Variants in RUBCN observed in about 807,000 individuals in gnomAD.
RUBCN encodes the protein rubicon autophagy regulator.
In RUBCN, 74 loss-of-function variants were observed where a neutral mutation model predicts 113.2. That is an observed-to-expected ratio of 0.65 (90% CI 0.54 to 0.79). The LOEUF is 0.79. Ranked by LOEUF, RUBCN falls within the 30% of genes least tolerant of loss-of-function variation. RUBCN has a pLI of 0.00. For synonymous variants in RUBCN, 480 were observed against 490.0 expected (o/e 0.98, Z 0.27); for missense variants, 1,109 against 1,251.7 (o/e 0.89, Z 1.72).
chr3:197,679,781 G>A (rs1560404035), intron 16 of RUBCN, among the ~76,000 whole-genome samples: 1 of 146,344 alleles, frequency 6.8e-6, no homozygotes, highest in Non-Finnish European at 1.5e-5. Flanking sequence ...ACTGGCTTCA[G>A]ACTGTCCTAC....
intron 7 of RUBCN, chr3:197,700,378 T>C (rs553332773): frequency 2.4e-5 from 14 of 588,764 alleles, no homozygotes; most frequent in Non-Finnish European, 4.2e-5. Flanking sequence ...ACCAAACTAG[T>C]AAAGAATCCA....
intron 2 of RUBCN, among the ~76,000 whole-genome samples, chr3:197,717,054 G>A (rs1725592669): frequency 1.3e-5 from 2 of 152,144 alleles, no homozygotes; most frequent in South Asian, 2.1e-4. Context: ...CCGGGAGGTC[G>A]AGGCTGCAGC....
chr3:197,718,057 C>T lies in RUBCN; in HGVS notation c.139G>A (p.Val47Ile), dbSNP rs201875862. 150 of 1,614,216 alleles carry T rather than the reference C, an allele frequency of 9.3e-5. 1 individual carries two copies. The South Asian group carries it at 1.0e-3, about 11-fold the overall frequency. ...EGLVSTNSPN[V>I]WSKYGGLERL... The stretch of plus-strand genomic sequence containing the variant: ...TCCAAGCCACCATACTTAGACCAGA[C>T]GTTGGGGCTGTTGGTTGATACCAAA... The change falls in exon 2 of 20, where the codon GTC (valine) becomes ATC (isoleucine). Residue 47 changes from valine (V) to isoleucine (I), a missense_variant. Around this residue, in one of 3 missense-constraint regions of RUBCN, gnomAD observed 736 missense variants for 779.6 expected, o/e 0.94. Transcript: ENST00000296343.
At chr3:197,723,464 G>A (rs192238375) in intron 1 of RUBCN, among the ~76,000 whole-genome samples, 186 of 152,266 alleles carry the variant, frequency 1.2e-3, no homozygotes, top group African/African-American at 4.1e-3. Context: ...GGGATTACAG[G>A]TGTGAGCCAC....
At chr3:197,676,250 C>CT (rs2108831412) in intron 18 of RUBCN, 2 of 991,718 alleles carry the variant, frequency 2.0e-6, no homozygotes, top group South Asian at 9.1e-5. Flanking sequence ...GTCATAATGA[C>CT]TGAGAACAAC....
chr3:197,746,555 T>C lies in RUBCN; in HGVS notation c.-116+2714A>G, dbSNP rs1047708336. On this transcript the variant is annotated intron_variant, in intron 1 of 20. Transcript: ENST00000273582. The stretch of plus-strand genomic sequence containing the variant: ...TATTTCACACAATGAAATGATTCTC[T>C]GTTGTAAATATATCCTAAATATTAC... Among the ~76,000 whole-genome samples the C allele has an allele frequency of 5.3e-5, 8 of 152,366 alleles. No individual in the cohort carries two copies. In the East Asian group the frequency reaches 1.3e-3, roughly 26 times the overall value.
At chr3:197,749,529 C>T (rs1728913603) in exon 1 of RUBCN, 2 of 1,290,446 alleles carry the variant, frequency 1.5e-6, no homozygotes, top group Admixed American at 2.3e-5. Context: ...GTCCTGCCTC[C>T]CGAGGCTGCG....
intron 11 of RUBCN, 34 bp from the exon 12 acceptor site, chr3:197,684,251 G>A (rs750219303): frequency 6.4e-7 from 1 of 1,572,404 alleles, no homozygotes; most frequent in East Asian, 2.2e-5. Context: ...GGAGCGCAAT[G>A]GAAACGGGGT....
exon 1 of RUBCN, chr3:197,749,312 G>A (rs1728900303): frequency 2.6e-6 from 3 of 1,143,104 alleles, no homozygotes; most frequent in South Asian, 1.8e-5. Flanking sequence ...AGTGAACACC[G>A]TGCCAGATGT....
At chr3:197,680,103 T>C (rs1269803302) in intron 16 of RUBCN, among the ~76,000 whole-genome samples, 6 of 120,918 alleles carry the variant, frequency 5.0e-5, no homozygotes, top group Non-Finnish European at 8.5e-5. Flanking sequence ...GACTGTCCTG[T>C]GCTCTGACAA....
At chr3:197,691,162 A>G (rs1232052056) in intron 11 of RUBCN, 28 of 1,237,762 alleles carry the variant, frequency 2.3e-5, no homozygotes, top group Non-Finnish European at 2.7e-5. Flanking sequence ...TGTAATAATG[A>G]TGATAAAAGG....
intron 2 of RUBCN, among the ~76,000 whole-genome samples, chr3:197,707,154 ACCCC>A (rs1560443653): frequency 1.5e-4 from 22 of 142,770 alleles, no homozygotes; most frequent in African/African-American, 6.7e-4. Context: ...CCACAGTGAA[ACCCC>A]GTCTCTACTA....
chr3:197,725,839 A>G (rs1014593532), intron 1 of RUBCN, among the ~76,000 whole-genome samples: 3 of 152,212 alleles, frequency 2.0e-5, no homozygotes, highest in East Asian at 3.8e-4. Context: ...CAAACTCCTT[A>G]GCATGGAGGT....
chr3:197,674,954 A>G lies in RUBCN; in HGVS notation c.*64T>C, dbSNP rs1720178742. On this transcript the variant is annotated 3_prime_UTR_variant, in exon 20 of 20. Transcript: ENST00000296343. ...AAGCCCCAGGTGGGGCGAGTCCTTC[A>G]AAGAGTGGCTCAGTTCTGCAACAGG... 1.3e-6 allele frequency: 2 copies of G among 1,524,076 alleles called. No homozygotes were observed. Among genetic ancestry groups the G allele is most frequent in the Non-Finnish European group, 1.8e-6 (2 of 1,123,410 alleles). 94.4% of individuals were successfully genotyped at this position (1,524,076 alleles called of 1,614,324 possible).
At chr3:197,682,421 CAA>C in intron 14 of RUBCN, 47 bp downstream of exon 14, 1 of 1,611,184 alleles carries the variant, frequency 6.2e-7, no homozygotes, top group South Asian at 1.1e-5. Context: ...CCTGACAATC[CAA>C]AGAGGACGGA....
intron 7 of RUBCN, among the ~76,000 whole-genome samples, chr3:197,699,002 C>A (rs1002386859): frequency 1.3e-5 from 2 of 152,122 alleles, no homozygotes; most frequent in African/African-American, 4.8e-5. Flanking sequence ...CTGAACGAGG[C>A]ATTTGGAATT....
chr3:197,725,077 C>T (rs898668006), intron 1 of RUBCN, among the ~76,000 whole-genome samples: 3 of 152,120 alleles, frequency 2.0e-5, no homozygotes, highest in Non-Finnish European at 2.9e-5. Flanking sequence ...AAACCAGAAG[C>T]TGGAAAGTAC....
In RUBCN at chr3:197,683,486, G is replaced by A. The variant is rs1371246083; in HGVS notation, c.1848-47C>T. 6.2e-7 allele frequency: 1 copy of A among 1,609,066 alleles called. No homozygotes were observed. Among genetic ancestry groups the A allele is most frequent in the East Asian group, 2.2e-5 (1 of 44,814 alleles). On this transcript the variant is annotated intron_variant, in intron 12 of 19. Transcript: ENST00000296343. This position sits in a 1 kb window ranked among gnomAD's most constrained non-coding sequence, Gnocchi z 4.6. ...ACGGCTGAACACAGGGAAAGGATGG[G>A]CGATGCGAGGCTTCCCTTCATGATC...
At chr3:197,743,270 C>T (rs894517181) in intron 1 of RUBCN, among the ~76,000 whole-genome samples, 1 of 151,652 alleles carries the variant, frequency 6.6e-6, no homozygotes, top group Non-Finnish European at 1.5e-5. Context: ...AGCAGCTATG[C>T]CTGCCACCCC....
Sources: allele counts gnomAD v4.1 joint callset (sites outside exome capture counted in the v4.1 genomes callset), GRCh38; gene constraint gnomAD v4.1.1; regional missense constraint gnomAD v4.1.1; non-coding constraint Gnocchi (gnomAD v3.1); transcripts MANE v1.5; gene names NCBI Gene and HGNC (gene_info 2026-07-23, HGNC 2026-07-21).